The following WWOX variants were observed in gnomAD, a reference collection of about 807,000 sequenced individuals.
WWOX encodes the protein WW domain-containing oxidoreductase.
WWOX carries 69 observed loss-of-function variants against 46.2 expected under a neutral mutation model. The observed-to-expected ratio is 1.49, with a 90% CI of 1.23 to 1.82. The LOEUF (loss-of-function observed/expected upper bound fraction) is 1.82, where lower values mean the gene tolerates loss of function less well. Among genes scored for constraint, WWOX ranks in the 40% most tolerant of loss-of-function variants. The pLI, the probability that WWOX is intolerant of heterozygous loss-of-function variation, is 0.00. For synonymous variants in WWOX, 359 were observed against 202.6 expected (o/e 1.77, Z -6.56); for missense variants, 919 against 542.6 (o/e 1.69, Z -6.89).
At chr16:78,915,214 T>C (rs570729165) in intron 8 of WWOX, among the ~76,000 whole-genome samples, 2 of 152,250 alleles carry the variant, frequency 1.3e-5, no homozygotes, top group East Asian at 3.9e-4. Flanking sequence ...CAGATCATGA[T>C]TCATTTGGGT....
intron 8 of WWOX, among the ~76,000 whole-genome samples, chr16:78,933,236 C>T (rs4887994): frequency 0.13 from 20,464 of 152,158 alleles, 1,915 homozygotes; most frequent in East Asian, 0.25. Context: ...GTCAGGAGTT[C>T]GAGACCAGCC....
At chr16:78,927,818 G>T (rs1320473047) in intron 8 of WWOX, among the ~76,000 whole-genome samples, 2 of 152,148 alleles carry the variant, frequency 1.3e-5, no homozygotes, top group Non-Finnish European at 2.9e-5. Context: ...TCTTTGGAAG[G>T]CAGATTAAGT....
chr16:78,552,629 T>G (rs576377610), intron 8 of WWOX: 1 of 152,306 alleles, frequency 6.6e-6, no homozygotes, highest in Admixed American at 6.5e-5. Context: ...CGCGTGTCTT[T>G]CTCATGCATA....
At position 78,323,110 on chromosome 16, in the gene WWOX, TTTTG is replaced by T. The variant is rs767610087; in HGVS notation, c.517-63737_517-63734del. Among the ~76,000 whole-genome samples the T allele has an allele frequency of 1.3e-3, 198 of 152,122 alleles. 1 individual carries two copies. The highest frequency in any genetic ancestry group is 2.3e-3 in the Non-Finnish European group (153 of 67,984). On this transcript the variant is annotated intron_variant, in intron 5 of 8. Transcript: ENST00000566780. ...TATGATTTGGGGTTCTTGTATTTTT[TTTTG>T]TTTGTTTGTTTGAGACGGAGTCTTG...
chr16:78,363,793 C>T (rs769195674), intron 5 of WWOX, among the ~76,000 whole-genome samples: 5 of 152,134 alleles, frequency 3.3e-5, no homozygotes, highest in Admixed American at 2.0e-4. Context: ...CAGCTTACAG[C>T]GGAGACAGTG....
At chr16:78,207,738 G>T (rs1269148286) in intron 5 of WWOX, among the ~76,000 whole-genome samples, 2 of 148,928 alleles carry the variant, frequency 1.3e-5, no homozygotes, top group African/African-American at 2.5e-5. Context: ...TTTCAGCCTG[G>T]GTGACAGAGG....
At chr16:78,701,619 CA>C (rs2048220033) in intron 8 of WWOX, among the ~76,000 whole-genome samples, 1 of 152,076 alleles carries the variant, frequency 6.6e-6, no homozygotes, top group Non-Finnish European at 1.5e-5. Context: ...CTGCCTCCCC[CA>C]CACTCCTTCT....
At chr16:79,117,110 C>G (rs1005941019) in intron 8 of WWOX, among the ~76,000 whole-genome samples, 9 of 152,142 alleles carry the variant, frequency 5.9e-5, no homozygotes, top group African/African-American at 1.9e-4. Context: ...GACTGCAGCT[C>G]AAATTATCCT....
At chr16:78,206,166 C>T (rs941103249) in intron 5 of WWOX, among the ~76,000 whole-genome samples, 1 of 151,968 alleles carries the variant, frequency 6.6e-6, no homozygotes, top group African/African-American at 2.4e-5. Flanking sequence ...GGAACCATTT[C>T]AGGGTTTTGA....
chr16:78,912,914 G>C (rs983036439), intron 8 of WWOX, among the ~76,000 whole-genome samples: 3 of 151,984 alleles, frequency 2.0e-5, no homozygotes, highest in Admixed American at 1.3e-4. Flanking sequence ...ATTAGCAAGA[G>C]ATCAGAGCAA....
chr16:79,132,038 A>G (rs939643041), intron 8 of WWOX, among the ~76,000 whole-genome samples: 5 of 152,016 alleles, frequency 3.3e-5, no homozygotes, highest in African/African-American at 1.2e-4. Flanking sequence ...TCCCTTCCAT[A>G]ACACATGGGA....
intron 5 of WWOX, among the ~76,000 whole-genome samples, chr16:78,262,774 T>C (rs1329484378): frequency 1.3e-5 from 2 of 152,106 alleles, no homozygotes; most frequent in Admixed American, 6.5e-5. Flanking sequence ...AAGACTCGGA[T>C]CTTTAAATAT....
At chr16:78,402,270 A>G (rs1039585191) in intron 6 of WWOX, among the ~76,000 whole-genome samples, 2 of 152,120 alleles carry the variant, frequency 1.3e-5, no homozygotes, top group African/African-American at 4.8e-5. Context: ...ACTTAGCATA[A>G]TGTTCTAGAG....
At chr16:79,010,208 A>G (rs74032483) in intron 8 of WWOX, among the ~76,000 whole-genome samples, 2 of 152,158 alleles carry the variant, frequency 1.3e-5, no homozygotes, top group Non-Finnish European at 2.9e-5. Flanking sequence ...GGCTTTCACA[A>G]ATGCTTACCG....
intron 8 of WWOX, among the ~76,000 whole-genome samples, chr16:78,557,449 A>G (rs987383908): frequency 1.3e-5 from 2 of 152,038 alleles, no homozygotes; most frequent in Admixed American, 6.6e-5. Flanking sequence ...GGTGTTGGGG[A>G]TACATCCAAA....
At chr16:79,075,599 C>G (rs1005934186) in intron 8 of WWOX, among the ~76,000 whole-genome samples, 1 of 151,320 alleles carries the variant, frequency 6.6e-6, no homozygotes, top group African/African-American at 2.4e-5. Context: ...GTCACCCAGG[C>G]TGGAGTTTAG....
At chr16:79,134,302 T>G (rs2049940785) in intron 8 of WWOX, among the ~76,000 whole-genome samples, 1 of 152,152 alleles carries the variant, frequency 6.6e-6, no homozygotes, top group African/African-American at 2.4e-5. Flanking sequence ...AGTAAAGGAT[T>G]CACCAAGACA....
intron 5 of WWOX, among the ~76,000 whole-genome samples, chr16:78,307,486 A>G (rs1361210076): frequency 1.3e-5 from 2 of 152,286 alleles, no homozygotes; most frequent in East Asian, 1.9e-4. Context: ...AGAAGAGGTG[A>G]AGCAGGTGTG....
intron 8 of WWOX, among the ~76,000 whole-genome samples, chr16:78,958,823 G>T (rs1253121662): frequency 6.6e-6 from 1 of 152,186 alleles, no homozygotes; most frequent in Admixed American, 6.5e-5. Flanking sequence ...CACAGGGGAA[G>T]GAAGGTTATG....
Sources: allele counts gnomAD v4.1 joint callset (sites outside exome capture counted in the v4.1 genomes callset), GRCh38; gene constraint gnomAD v4.1.1; transcripts MANE v1.5; gene names NCBI Gene and HGNC (gene_info 2026-07-23, HGNC 2026-07-21).